RUFY4: variants seen among roughly 807,000 people sequenced by gnomAD.
RUFY4 encodes the protein RUN and FYVE domain containing 4.
RUFY4 carries 73 observed loss-of-function variants against 69.0 expected under a neutral mutation model. The ratio of observed to expected loss-of-function variants is 1.06; its 90% confidence interval spans 0.88 to 1.29. The LOEUF is 1.29. Ranked by LOEUF, RUFY4 falls within the 50% of genes most tolerant of loss-of-function variation. The probability of loss-of-function intolerance (pLI) is 0.00; values close to 1 mark genes in which losing one functional copy is unlikely to be tolerated. For missense variants in RUFY4, 770 were observed against 705.6 expected (o/e 1.09, Z -1.03); for synonymous variants, 287 against 271.8 (o/e 1.06, Z -0.55).
intron 2 of RUFY4, among the ~76,000 whole-genome samples, chr2:218,052,745 T>TA (rs767229733): frequency 0.045 from 6,509 of 144,740 alleles, 215 homozygotes; most frequent in African/African-American, 0.092. Flanking sequence ...TTTTTTTTTT[T>TA]AAAAAAAAAA....
At chr2:218,042,785 T>C (rs1362819964) in intron 2 of RUFY4, among the ~76,000 whole-genome samples, 5 of 152,130 alleles carry the variant, frequency 3.3e-5, no homozygotes, top group Non-Finnish European at 1.5e-5. Context: ...CAAGACTCAA[T>C]CCAGTTTATA....
rs775241057 is a variant in RUFY4 at position 218,086,787 on chromosome 2, A to T, written c.1503-2465A>T. ...AAGAAAAGGGAATTCCCAAGATGACAAGTGGGCAGCAATCCCAGGGAGCAG... is the reference window on the plus strand; with the variant it reads ...AAGAAAAGGGAATTCCCAAGATGACTAGTGGGCAGCAATCCCAGGGAGCAG... On this transcript the variant is annotated intron_variant, in intron 9 of 10. Coordinates refer to ENST00000344321, the Ensembl canonical transcript of RUFY4. Among the ~76,000 whole-genome samples the T allele has an allele frequency of 3.3e-5, 5 of 152,302 alleles. No homozygotes were observed. In the South Asian group the frequency reaches 1.0e-3, roughly 32 times the overall value.
upstream of RUFY4, among the ~76,000 whole-genome samples, chr2:218,068,143 GGGCAGGGGACTGGAGGAT>G (rs1559429696): frequency 7.8e-5 from 8 of 102,026 alleles, no homozygotes; most frequent in South Asian, 3.8e-4. Context: ...GACTGGAGGA[GGGCAGGGGACTGGAGGAT>G]GGCAGGGGGT....
At chr2:218,047,964 C>G (rs996316591) in intron 2 of RUFY4, among the ~76,000 whole-genome samples, 7 of 152,136 alleles carry the variant, frequency 4.6e-5, no homozygotes, top group African/African-American at 1.7e-4. Flanking sequence ...ATGGGTTGAA[C>G]TTATAAGTTC....
exon 10 of RUFY4, chr2:218,089,276 G>C: frequency 6.2e-7 from 1 of 1,613,778 alleles, no homozygotes; most frequent in Non-Finnish European, 8.5e-7. Flanking sequence ...TGTGGCAGAG[G>C]CTCCAGCATC....
intron 2 of RUFY4, among the ~76,000 whole-genome samples, chr2:218,038,222 T>C (rs1959007690): frequency 6.6e-6 from 1 of 151,948 alleles, no homozygotes; most frequent in Admixed American, 6.6e-5. Flanking sequence ...ACCTTAGAAT[T>C]ACAGCTGCTT....
chr2:218,085,536 C>A (rs547336639), intron 9 of RUFY4, among the ~76,000 whole-genome samples: 3 of 152,192 alleles, frequency 2.0e-5, no homozygotes, highest in South Asian at 4.2e-4. Flanking sequence ...CAGCTAATTT[C>A]CAGAAGTTGG....
At chr2:218,062,500 C>T (rs1689222859) in intron 3 of RUFY4, among the ~76,000 whole-genome samples, 1 of 151,780 alleles carries the variant, frequency 6.6e-6, no homozygotes, top group African/African-American at 2.4e-5. Context: ...ATTGCCTGAG[C>T]AGGAGTTCGT....
At chr2:218,044,997 G>A (rs867786424) in intron 2 of RUFY4, among the ~76,000 whole-genome samples, 17 of 152,002 alleles carry the variant, frequency 1.1e-4, no homozygotes, top group Admixed American at 9.2e-4. Context: ...TGTGTTTTTC[G>A]GTCTTTGAGG....
chr2:218,071,776 G>A (rs1055287895), intron 2 of RUFY4, among the ~76,000 whole-genome samples: 4 of 152,062 alleles, frequency 2.6e-5, no homozygotes, highest in Admixed American at 6.5e-5. Flanking sequence ...GTCCCTCTCC[G>A]GGCCCCGGGA....
chr2:218,076,595 C>T (rs1689639115), intron 8 of RUFY4, 62 bp downstream of exon 10: 5 of 1,536,206 alleles, frequency 3.3e-6, no homozygotes, highest in South Asian at 2.4e-5. Context: ...TGCTGTCAAT[C>T]ACGGTCAAGC....
At chr2:218,048,520 C>G (rs759802426) in intron 2 of RUFY4, among the ~76,000 whole-genome samples, 20 of 152,110 alleles carry the variant, frequency 1.3e-4, no homozygotes, top group Non-Finnish European at 2.1e-4. Flanking sequence ...CATTCCTATA[C>G]CCAGAATGGT....
intron 9 of RUFY4, among the ~76,000 whole-genome samples, chr2:218,083,619 GTGCC>G (rs1180014603): frequency 6.6e-6 from 1 of 151,944 alleles, no homozygotes; most frequent in African/African-American, 2.4e-5. Context: ...ATGGTGACGT[GTGCC>G]TGTAGTCCCA....
chr2:218,064,078 G>A (rs1313339520), intron 3 of RUFY4, among the ~76,000 whole-genome samples: 5 of 151,978 alleles, frequency 3.3e-5, no homozygotes, highest in African/African-American at 4.8e-5. Context: ...CCCCAGCCCC[G>A]CTCCACCTGG....
At chr2:218,083,317 C>T in intron 9 of RUFY4, 61 bp downstream of exon 11, 1 of 1,514,786 alleles carries the variant, frequency 6.6e-7, no homozygotes, top group Non-Finnish European at 8.9e-7. Flanking sequence ...GATGTGGAGC[C>T]CGGAGCGTGA....
At chr2:218,063,565 A>C (rs1689250039) in intron 3 of RUFY4, among the ~76,000 whole-genome samples, 1 of 152,212 alleles carries the variant, frequency 6.6e-6, no homozygotes, top group African/African-American at 2.4e-5. Flanking sequence ...CCACACAAAA[A>C]CTAATGTTCA....
chr2:218,055,151 T>C (rs972969509), intron 2 of RUFY4, among the ~76,000 whole-genome samples: 8 of 152,100 alleles, frequency 5.3e-5, no homozygotes, highest in Non-Finnish European at 1.2e-4. Context: ...TCCCATCACT[T>C]TGGGAGGCTG....
At chr2:218,050,476 C>T (rs945930945) in intron 2 of RUFY4, among the ~76,000 whole-genome samples, 3 of 152,146 alleles carry the variant, frequency 2.0e-5, no homozygotes, top group Non-Finnish European at 4.4e-5. Flanking sequence ...TCCTGGCTAG[C>T]TCACCAAACT....
At chr2:218,070,480 T>A (rs1689459455), upstream of RUFY4, 8 of 809,454 alleles carry the variant, frequency 9.9e-6, no homozygotes, top group Non-Finnish European at 1.6e-5. Flanking sequence ...CACCCAAGAT[T>A]AGTCACTTTC....
Sources: gnomAD v4.1 joint callset for allele counts (sites outside exome capture counted in the v4.1 genomes callset) on GRCh38, gnomAD v4.1.1 for gene constraint, MANE v1.5 for transcripts, NCBI Gene and HGNC (gene_info 2026-07-23, HGNC 2026-07-21) for gene names.